The following SLC10A7 variants were observed in gnomAD, a reference collection of about 807,000 sequenced individuals.
SLC10A7 encodes the protein sodium/bile acid cotransporter 7.
In SLC10A7, 29 loss-of-function variants were observed where a neutral mutation model predicts 43.2. The ratio of observed to expected loss-of-function variants is 0.67; its 90% CI spans 0.50 to 0.92. SLC10A7 has a LOEUF of 0.92. SLC10A7 is among the 40% of genes least tolerant of loss of function. The pLI, the probability that SLC10A7 is intolerant of heterozygous loss-of-function variation, is 0.00. For missense variants in SLC10A7, 295 were observed against 403.2 expected (o/e 0.73, Z 2.30); for synonymous variants, 152 against 144.8 (o/e 1.05, Z -0.35).
At chr4:146,486,346 G>A (rs1179853024) in intron 4 of SLC10A7, among the ~76,000 whole-genome samples, 2 of 152,054 alleles carry the variant, frequency 1.3e-5, no homozygotes, top group Admixed American at 1.3e-4. Context: ...ATAATGTTTT[G>A]TGATTTACAA....
intron 5 of SLC10A7, among the ~76,000 whole-genome samples, chr4:146,334,809 G>A (rs1465186717): frequency 6.6e-6 from 1 of 151,992 alleles, no homozygotes; most frequent in African/African-American, 2.4e-5. Context: ...GCTTGATGTT[G>A]GAAAGTTGAA....
At chr4:146,456,325 C>T (rs1732048095) in intron 4 of SLC10A7, among the ~76,000 whole-genome samples, 1 of 151,858 alleles carries the variant, frequency 6.6e-6, no homozygotes, top group Non-Finnish European at 1.5e-5. Flanking sequence ...TGTTTTAACC[C>T]AACTGGTCTA....
chr4:146,479,838 A>G (rs1444799444), intron 4 of SLC10A7, among the ~76,000 whole-genome samples: 3 of 152,244 alleles, frequency 2.0e-5, no homozygotes, highest in African/African-American at 4.8e-5. Flanking sequence ...TTTTGTTTAG[A>G]CTGTTGCCCT....
At chr4:146,263,374 T>C (rs1449626290) in intron 10 of SLC10A7, among the ~76,000 whole-genome samples, 1 of 152,236 alleles carries the variant, frequency 6.6e-6, no homozygotes, top group Non-Finnish European at 1.5e-5. Flanking sequence ...GAGCATATGG[T>C]AGGTGGTCAA....
At chr4:146,379,816 C>T (rs976948716) in intron 5 of SLC10A7, among the ~76,000 whole-genome samples, 7 of 151,998 alleles carry the variant, frequency 4.6e-5, no homozygotes, top group Non-Finnish European at 1.0e-4. Flanking sequence ...ATATATTATT[C>T]CTAGCTGAGA....
intron 9 of SLC10A7, 131 bp from the exon 10 acceptor site, chr4:146,283,396 C>T: frequency 2.9e-6 from 2 of 684,994 alleles, no homozygotes; most frequent in Non-Finnish European, 5.2e-6. Flanking sequence ...TAATTCTACA[C>T]CCAAATGTAC....
intron 5 of SLC10A7, among the ~76,000 whole-genome samples, chr4:146,398,842 C>A (rs1279367399): frequency 1.3e-5 from 2 of 152,164 alleles, no homozygotes; most frequent in Non-Finnish European, 2.9e-5. Context: ...TTTGCTCTAG[C>A]TGAATCCTAG....
intron 2 of SLC10A7, chr4:146,513,774 T>C (rs771365636): frequency 7.2e-5 from 11 of 152,132 alleles, no homozygotes; most frequent in Non-Finnish European, 1.2e-4. Context: ...TAAAACAAGG[T>C]AATAAAAGAA....
chr4:146,355,520 C>A (rs1419460542), intron 5 of SLC10A7, among the ~76,000 whole-genome samples: 3 of 151,186 alleles, frequency 2.0e-5, no homozygotes, highest in Non-Finnish European at 4.4e-5. Flanking sequence ...ACCATTTGAC[C>A]CAGCCATCCC....
intron 1 of SLC10A7, 80 bp downstream of exon 1, chr4:146,521,538 G>A: frequency 8.1e-7 from 1 of 1,227,494 alleles, no homozygotes; most frequent in Non-Finnish European, 1.2e-6. Context: ...TTGCAATGAG[G>A]GTTGCCCCAC....
chr4:146,414,735 A>G (rs1728450876), intron 5 of SLC10A7, among the ~76,000 whole-genome samples: 1 of 151,126 alleles, frequency 6.6e-6, no homozygotes, highest in African/African-American at 2.4e-5. Flanking sequence ...AAAAAAAAAA[A>G]CTCACTGAGA....
At chr4:146,517,812 T>C (rs1579400967) in intron 1 of SLC10A7, among the ~76,000 whole-genome samples, 1 of 152,220 alleles carries the variant, frequency 6.6e-6, no homozygotes, top group South Asian at 2.1e-4. Context: ...CCCTTCTCTT[T>C]AGCAAATATT....
chr4:146,483,108 A>G (rs1414901488), intron 4 of SLC10A7, among the ~76,000 whole-genome samples: 1 of 152,226 alleles, frequency 6.6e-6, no homozygotes, highest in Non-Finnish European at 1.5e-5. Flanking sequence ...TTACGTGGAA[A>G]TGAAAGGACA....
intron 5 of SLC10A7, among the ~76,000 whole-genome samples, chr4:146,424,537 G>A (rs1162432601): frequency 6.6e-6 from 1 of 152,080 alleles, no homozygotes; most frequent in African/African-American, 2.4e-5. Context: ...GAGGCCACCT[G>A]TAATCCCAGC....
chr4:146,325,647 C>T (rs1686083628), intron 6 of SLC10A7, among the ~76,000 whole-genome samples: 1 of 152,152 alleles, frequency 6.6e-6, no homozygotes, highest in Non-Finnish European at 1.5e-5. Flanking sequence ...CTATCAATCA[C>T]TTTAGTTTTA....
rs1247221017 is a variant in SLC10A7, at chr4:146,258,772, G to T, written c.913C>A (p.Leu305Ile). ...EHLSLISVPL[L>I]IYHPAQILLG... ...AGGATCTGAGCTGGGTGGTAGATGAGCAAGGGTACAGATATTAAAGAGAGA... is the reference window on the plus strand; with the variant it reads ...AGGATCTGAGCTGGGTGGTAGATGATCAAGGGTACAGATATTAAAGAGAGA... Residue 305 changes from leucine (L) to isoleucine (I), a missense_variant, in exon 11 of 12, where the codon CTC becomes ATC. By Grantham distance (5) the Leu-to-Ile change is conservative (BLOSUM62 2). Around this residue, in one of 2 missense-constraint regions of SLC10A7, gnomAD observed 242 missense variants for 362.5 expected, o/e 0.67. Coordinates refer to ENST00000335472, the MANE Select transcript of SLC10A7 (RefSeq NM_001029998.6). 6.2e-7 allele frequency: 1 copy of T among 1,610,932 alleles called. No homozygotes were observed. Among genetic ancestry groups the T allele is most frequent in the African/African-American group, 1.3e-5 (1 of 74,738 alleles).
intron 7 of SLC10A7, among the ~76,000 whole-genome samples, chr4:146,299,450 T>C (rs80252063): frequency 6.6e-6 from 1 of 152,166 alleles, no homozygotes; most frequent in East Asian, 1.9e-4. Context: ...AAGCTGAAGT[T>C]TAAACTAAAT....
chr4:146,464,667 T>G (rs1214388984), intron 4 of SLC10A7, among the ~76,000 whole-genome samples: 2 of 151,860 alleles, frequency 1.3e-5, no homozygotes, highest in Non-Finnish European at 2.9e-5. Context: ...GTCATGCCAT[T>G]AAGAATAACA....
chr4:146,282,142 T>C (rs908780223), intron 10 of SLC10A7, among the ~76,000 whole-genome samples: 1 of 152,152 alleles, frequency 6.6e-6, no homozygotes, highest in African/African-American at 2.4e-5. Context: ...AATTTAATGA[T>C]GATTATAGCT....
Sources: gnomAD v4.1 joint callset for allele counts (sites outside exome capture counted in the v4.1 genomes callset) on GRCh38, gnomAD v4.1.1 for gene constraint, gnomAD v4.1.1 regional missense constraint, MANE v1.5 for transcripts, NCBI Gene and HGNC (gene_info 2026-07-23, HGNC 2026-07-21) for gene names.